Variants in THYN1 observed in about 807,000 individuals in gnomAD.
The protein encoded by THYN1 is thymocyte protein thy28.
Under a neutral mutation model 30.6 loss-of-function variants are expected in THYN1, and 32 were observed. That is an observed-to-expected ratio of 1.05 (90% confidence interval 0.79 to 1.40). THYN1 has a LOEUF of 1.40. Ranked by LOEUF, THYN1 falls within the 40% of genes most tolerant of loss-of-function variation. The pLI is 0.00. For synonymous variants in THYN1, 107 were observed against 90.8 expected (o/e 1.18, Z -1.01); for missense variants, 259 against 272.6 (o/e 0.95, Z 0.35).
intron 1 of THYN1, 177 bp from the exon 2 acceptor site, chr11:134,251,485 C>A: frequency 1.5e-6 from 1 of 685,846 alleles, no homozygotes; most frequent in South Asian, 1.9e-5. Context: ...GACAAGAATA[C>A]CTACCTTACA....
chr11:134,248,552 C>T, intron 6 of THYN1, 68 bp from the exon 7 acceptor site: 1 of 1,582,758 alleles, frequency 6.3e-7, no homozygotes, highest in Non-Finnish European at 8.7e-7. Flanking sequence ...GAAAGTTGTG[C>T]CAGGCACAGG....
At position 134,253,326 on chromosome 11, in the gene THYN1, C is replaced by G; in HGVS notation, c.-444G>C. On this transcript the variant is annotated 5_prime_UTR_variant, in exon 1 of 7. Transcript: ENST00000341541. ...AACACTCTGCAGACTCGACTGCGGT[C>G]CGCCTCCGCTGCGCCGCAGGCTGTG... is the stretch of plus-strand genomic sequence containing the variant. 2.1e-6 allele frequency: 3 copies of G among 1,402,220 alleles called. No individual in the cohort carries two copies. Among genetic ancestry groups the G allele is most frequent in the Non-Finnish European group, 2.8e-6 (3 of 1,079,348 alleles). The allele number at this position is 1,402,220 out of a possible 1,614,324, so 86.9% of individuals were successfully genotyped here.
Position 134,250,378 on chromosome 11 carries a change from A to G in THYN1, c.223-35T>C, listed in dbSNP as rs201280474. On this transcript the variant is annotated intron_variant, in intron 2 of 6. Transcript: ENST00000341541. ...AGGAAATAAATTCAATCATTAAACA[A>G]TCCTTGGCCAGTTAGTAAGCACATA... is the stretch of plus-strand genomic sequence containing the variant. The G allele has an allele frequency of 7.5e-4, 1,217 of 1,612,566 alleles. 1 individual carries two copies. The highest frequency in any genetic ancestry group is 9.4e-4 in the Non-Finnish European group (1,103 of 1,178,668).
At chr11:134,250,449 T>TATA (rs1485398514) in intron 2 of THYN1, 106 bp from the exon 3 acceptor site, 1 of 1,227,834 alleles carries the variant, frequency 8.1e-7, no homozygotes, top group African/African-American at 1.5e-5. Context: ...GGCCACTGGC[T>TATA]ATAGAGGAAG....
Position 134,253,328 on chromosome 11 carries a change from G to T in THYN1, c.-446C>A. On this transcript the variant is annotated 5_prime_UTR_variant, in exon 1 of 7. Transcript: ENST00000341541. ...CACTCTGCAGACTCGACTGCGGTCC[G>T]CCTCCGCTGCGCCGCAGGCTGTGCA... is the stretch of plus-strand genomic sequence containing the variant. The T allele has an allele frequency of 1.4e-6, 2 of 1,400,190 alleles. No individual in the cohort carries two copies. Among genetic ancestry groups the T allele is most frequent in the Non-Finnish European group, 1.9e-6 (2 of 1,078,258 alleles). 86.7% of individuals were successfully genotyped at this position (1,400,190 alleles called of 1,614,324 possible). A position where few individuals can be genotyped will look rare whatever the true frequency, so the allele number is the denominator to read the frequency against.
rs376005049 is a variant in THYN1 at position 134,248,991 on chromosome 11, C to T, written c.481-32G>A. 8.3e-5 allele frequency: 134 copies of T among 1,612,238 alleles called. 1 individual carries two copies. In the South Asian group the frequency reaches 1.0e-3, roughly 12 times the overall value. ...GACAACAGTGTACATGACAGAAAGA[C>T]GTGTCTAGGCTGACTGTGCCCACTG... On this transcript the variant is annotated intron_variant, in intron 5 of 6. Transcript: ENST00000341541.
chr11:134,251,647 T>C, intron 1 of THYN1: 1 of 208,994 alleles, frequency 4.8e-6, no homozygotes, highest in Non-Finnish European at 9.4e-6. Flanking sequence ...AGCACCTACT[T>C]GCAACTATTT....
In THYN1 at chr11:134,249,138, T is replaced by A. The variant is rs781696069; in HGVS notation, c.480+29A>T. On this transcript the variant is annotated intron_variant, in intron 5 of 6. Transcript: ENST00000341541. ...TTCTTCCCCTGGTTCATCCTTCCCC[T>A]GTCATGAAATAGAAAGCATAGTCTT... 3 of 1,597,760 alleles carry A rather than the reference T, an allele frequency of 1.9e-6. No individual in the cohort carries two copies. The African/African-American group carries it at 4.0e-5, about 21-fold the overall frequency.
Position 134,248,497 on chromosome 11 carries a change from AAG to A in THYN1, c.632-15_632-14del. On this transcript the variant is annotated splice_polypyrimidine_tract_variant and intron_variant, in intron 6 of 6. Transcript: ENST00000341541. ...AAATCAAACTCTTCTACAAAAAAAA[AAG>A]GGAAAAAGGAAGGATTAGTTTTTAA... The A allele has an allele frequency of 6.2e-7, 1 of 1,613,994 alleles. No individual in the cohort carries two copies. Among genetic ancestry groups the A allele is most frequent in the Non-Finnish European group, 8.5e-7 (1 of 1,179,970 alleles).
chr11:134,253,325 T>A lies in THYN1; in HGVS notation c.-443A>T. On this transcript the variant is annotated 5_prime_UTR_variant, in exon 1 of 7. Coordinates refer to ENST00000341541, the MANE Select transcript of THYN1 (RefSeq NM_014174.3). ...CAACACTCTGCAGACTCGACTGCGG[T>A]CCGCCTCCGCTGCGCCGCAGGCTGT... The A allele has an allele frequency of 1.4e-6, 2 of 1,401,412 alleles. No individual in the cohort carries two copies. The highest frequency in any genetic ancestry group is 1.9e-6 in the Non-Finnish European group (2 of 1,078,836). The allele number at this position is 1,401,412 out of a possible 1,614,324, so 86.8% of individuals were successfully genotyped here. A position where few individuals can be genotyped will look rare whatever the true frequency, so the allele number is the denominator to read the frequency against.
In THYN1 at chr11:134,249,149, A is replaced by T; in HGVS notation, c.480+18T>A. ...GTTCATCCTTCCCCTGTCATGAAAT[A>T]GAAAGCATAGTCTTTACCATGGACC... is the stretch of plus-strand genomic sequence containing the variant. On this transcript the variant is annotated intron_variant, in intron 5 of 6. Transcript: ENST00000341541. 1 of 1,602,712 alleles carries T rather than the reference A, an allele frequency of 6.2e-7. No homozygotes were observed.
chr11:134,250,785 T>C (rs1213815795), intron 2 of THYN1, among the ~76,000 whole-genome samples: 1 of 152,192 alleles, frequency 6.6e-6, no homozygotes, highest in African/African-American at 2.4e-5. Flanking sequence ...AACCCCATGC[T>C]GGATTTTGTG....
chr11:134,250,480 G>A (rs1167767145), intron 2 of THYN1, 137 bp from the exon 3 acceptor site: 1 of 890,082 alleles, frequency 1.1e-6, no homozygotes. Context: ...ACCGGGAAGT[G>A]GCTCCACAGA....
chr11:134,251,561 G>T, intron 1 of THYN1: 1 of 412,484 alleles, frequency 2.4e-6, no homozygotes, highest in Non-Finnish European at 4.3e-6. Flanking sequence ...AGGATTAAAG[G>T]TCCGGACAGT....
intron 4 of THYN1, among the ~76,000 whole-genome samples, 157 bp from the exon 5 acceptor site, chr11:134,249,419 T>C (rs1460882854): frequency 6.6e-6 from 1 of 152,224 alleles, no homozygotes; most frequent in African/African-American, 2.4e-5. Context: ...AAACAATATA[T>C]AGTCTAATAT....
chr11:134,252,799 T>G, intron 1 of THYN1, 41 bp downstream of exon 1: 1 of 1,612,880 alleles, frequency 6.2e-7, no homozygotes, highest in Non-Finnish European at 8.5e-7. Context: ...CGAGAAAAGT[T>G]TTTTCTTGGG....
intron 1 of THYN1, chr11:134,251,627 GA>G: frequency 4.2e-6 from 1 of 239,786 alleles, no homozygotes; most frequent in Non-Finnish European, 7.9e-6. Context: ...GCATAGGAAA[GA>G]GGAAACTGAG....
chr11:134,249,013 A>T, intron 5 of THYN1, 54 bp from the exon 6 acceptor site: 1 of 1,605,684 alleles, frequency 6.2e-7, no homozygotes, highest in Non-Finnish European at 8.5e-7. Flanking sequence ...GACTGTGCCC[A>T]CTGTATTTTT....
At position 134,248,929 on chromosome 11, in the gene THYN1, G is replaced by GT; in HGVS notation, c.510dup (p.Arg171ThrfsTer7). On this transcript the variant is annotated frameshift_variant, in exon 6 of 7. Transcript: ENST00000341541. LOFTEE classifies it high-confidence loss of function. Reference sequence around the variant, plus strand: ...TTGAGCTCAGCCAGGGGAATGAAACGTTTCATCATCCGAACAAACTGTACA... The same window carrying GT: ...TTGAGCTCAGCCAGGGGAATGAAACGTTTTCATCATCCGAACAAACTGTACA... 1 of 1,614,202 alleles carries GT rather than the reference G, an allele frequency of 6.2e-7. No individual in the cohort carries two copies. Among genetic ancestry groups the GT allele is most frequent in the Non-Finnish European group, 8.5e-7 (1 of 1,180,048 alleles).
Sources: allele counts gnomAD v4.1 joint callset (sites outside exome capture counted in the v4.1 genomes callset), GRCh38; gene constraint gnomAD v4.1.1; transcripts MANE v1.5; gene names NCBI Gene and HGNC (gene_info 2026-07-23, HGNC 2026-07-21).